The following TEAD1 variants were observed in gnomAD, a reference collection of about 807,000 sequenced individuals.
TEAD1 encodes TEA domain transcription factor 1.
Under a neutral mutation model 54.9 loss-of-function variants are expected in TEAD1, and 9 were observed. The observed-to-expected ratio is 0.16, with a 90% CI of 0.10 to 0.29. TEAD1 has a LOEUF of 0.29. Ranked by LOEUF, TEAD1 falls within the 10% of genes least tolerant of loss-of-function variation. The pLI is 1.00. For synonymous variants in TEAD1, 200 were observed against 187.8 expected (o/e 1.07, Z -0.53); for missense variants, 387 against 535.9 (o/e 0.72, Z 2.74).
chr11:12,801,994 C>T (rs775222855), intron 3 of TEAD1, among the ~76,000 whole-genome samples: 1 of 152,198 alleles, frequency 6.6e-6, no homozygotes, highest in African/African-American at 2.4e-5. Context: ...CTTCAGGTCA[C>T]TGTGGAATGA....
chr11:12,737,472 G>A (rs1451509936), intron 2 of TEAD1, among the ~76,000 whole-genome samples: 1 of 152,220 alleles, frequency 6.6e-6, no homozygotes, highest in Non-Finnish European at 1.5e-5. Flanking sequence ...TCACAAGCAA[G>A]TGTGTGTCCT....
At chr11:12,750,017 A>G (rs1390454773) in intron 2 of TEAD1, among the ~76,000 whole-genome samples, 1 of 152,192 alleles carries the variant, frequency 6.6e-6, no homozygotes, top group Non-Finnish European at 1.5e-5. Context: ...TCATCATTAA[A>G]TGGAAGATTA....
At chr11:12,699,762 T>A (rs1170240508) in intron 2 of TEAD1, among the ~76,000 whole-genome samples, 1 of 152,234 alleles carries the variant, frequency 6.6e-6, no homozygotes, top group Non-Finnish European at 1.5e-5. Context: ...ATGAATGAAA[T>A]TTCGGTAACC....
chr11:12,876,471 C>A (rs972612494), intron 5 of TEAD1, among the ~76,000 whole-genome samples: 6 of 152,120 alleles, frequency 3.9e-5, no homozygotes, highest in Non-Finnish European at 8.8e-5. Context: ...TGCAGAATTT[C>A]AAATACGTGG....
chr11:12,843,400 C>T (rs1947078875), intron 3 of TEAD1, among the ~76,000 whole-genome samples: 1 of 152,208 alleles, frequency 6.6e-6, no homozygotes, highest in African/African-American at 2.4e-5. Flanking sequence ...CTACGAATTA[C>T]TGTTAGTTTT....
intron 3 of TEAD1, among the ~76,000 whole-genome samples, chr11:12,765,667 G>A (rs2133927652): frequency 6.6e-6 from 1 of 152,156 alleles, no homozygotes; most frequent in East Asian, 1.9e-4. Context: ...ATGATGTAAT[G>A]GAAACAAGGA....
intron 2 of TEAD1, among the ~76,000 whole-genome samples, chr11:12,693,918 C>T (rs925428915): frequency 1.3e-5 from 2 of 152,190 alleles, no homozygotes; most frequent in Admixed American, 6.5e-5. Flanking sequence ...TGGCTATAGC[C>T]GCGTTGGTGG....
chr11:12,746,938 C>T (rs559335773), intron 2 of TEAD1, among the ~76,000 whole-genome samples: 2 of 152,150 alleles, frequency 1.3e-5, no homozygotes, highest in Admixed American at 6.5e-5. Flanking sequence ...TCAGACTGTG[C>T]GGCTCAGCAG....
At chr11:12,909,855 T>C (rs1948586651) in intron 10 of TEAD1, among the ~76,000 whole-genome samples, 2 of 152,204 alleles carry the variant, frequency 1.3e-5, no homozygotes, top group Non-Finnish European at 2.9e-5. Flanking sequence ...AATTACGCAT[T>C]GATGTGGCAT....
intron 5 of TEAD1, among the ~76,000 whole-genome samples, chr11:12,869,760 C>G (rs1284953261): frequency 6.6e-6 from 1 of 152,162 alleles, no homozygotes; most frequent in Non-Finnish European, 1.5e-5. Flanking sequence ...CAAAATTAAT[C>G]TTCCTTTCTT....
intron 5 of TEAD1, among the ~76,000 whole-genome samples, chr11:12,869,983 G>A (rs757071149): frequency 3.9e-5 from 6 of 152,012 alleles, no homozygotes; most frequent in Non-Finnish European, 7.4e-5. Flanking sequence ...GGGTTCAAGC[G>A]ATTCTCCTGC....
chr11:12,779,235 G>A (rs1218523191), intron 3 of TEAD1, among the ~76,000 whole-genome samples: 1 of 152,110 alleles, frequency 6.6e-6, no homozygotes, highest in Non-Finnish European at 1.5e-5. Flanking sequence ...TACAGTTACC[G>A]GGAGCAATGA....
At chr11:12,802,271 T>G (rs1214517705) in intron 3 of TEAD1, among the ~76,000 whole-genome samples, 1 of 152,194 alleles carries the variant, frequency 6.6e-6, no homozygotes, top group Non-Finnish European at 1.5e-5. Context: ...AGATTACAAT[T>G]AACTTTTTTG....
chr11:12,704,841 G>A (rs1226452239), intron 2 of TEAD1, among the ~76,000 whole-genome samples: 4 of 152,212 alleles, frequency 2.6e-5, no homozygotes, highest in African/African-American at 4.8e-5. Context: ...CTTGGTTCTG[G>A]TATTGCTTAT....
chr11:12,820,974 T>G (rs1946532689), intron 3 of TEAD1, among the ~76,000 whole-genome samples: 1 of 152,184 alleles, frequency 6.6e-6, no homozygotes, highest in Non-Finnish European at 1.5e-5. Context: ...AAGGGAAGTG[T>G]TTGCAGCACT....
chr11:12,817,601 A>G (rs1742618447), intron 3 of TEAD1, among the ~76,000 whole-genome samples: 1 of 152,160 alleles, frequency 6.6e-6, no homozygotes, highest in African/African-American at 2.4e-5. Context: ...CCCCCAAATG[A>G]ATTATGAAAA....
chr11:12,712,810 T>C (rs757703343), intron 2 of TEAD1, among the ~76,000 whole-genome samples: 1 of 152,182 alleles, frequency 6.6e-6, no homozygotes, highest in Non-Finnish European at 1.5e-5. Context: ...AATTTTGAAT[T>C]GACAATTGAG....
intron 3 of TEAD1, among the ~76,000 whole-genome samples, chr11:12,798,916 A>G (rs976786261): frequency 6.6e-6 from 1 of 151,878 alleles, no homozygotes; most frequent in East Asian, 1.9e-4. Context: ...TCCTTTCCCA[A>G]CTCTGCCACC....
intron 3 of TEAD1, among the ~76,000 whole-genome samples, chr11:12,844,810 T>G (rs1198045155): frequency 6.6e-6 from 1 of 152,030 alleles, no homozygotes; most frequent in African/African-American, 2.4e-5. Flanking sequence ...CTTTTGGGAT[T>G]ATTGTGATTA....
Sources: gnomAD v4.1 joint callset for allele counts (sites outside exome capture counted in the v4.1 genomes callset) on GRCh38, gnomAD v4.1.1 for gene constraint, MANE v1.5 for transcripts, NCBI Gene and HGNC (gene_info 2026-07-23, HGNC 2026-07-21) for gene names.